ATP2B2: variants seen among roughly 807,000 people sequenced by gnomAD.
ATP2B2 encodes plasma membrane calcium-transporting ATPase 2.
In ATP2B2, 15 loss-of-function variants were observed where a neutral mutation model predicts 120.0. The observed-to-expected ratio is 0.12, with a 90% CI of 0.08 to 0.19. The LOEUF (loss-of-function observed/expected upper bound fraction) is 0.19, where lower values mean the gene tolerates loss of function less well. Among genes scored for constraint, ATP2B2 ranks in the 10% least tolerant of loss-of-function variants. The pLI is 1.00. For synonymous variants in ATP2B2, 694 were observed against 700.3 expected (o/e 0.99, Z 0.14); for missense variants, 1,045 against 1,719.8 (o/e 0.61, Z 6.94).
intron 2 of ATP2B2, among the ~76,000 whole-genome samples, chr3:10,583,025 T>G (rs958777333): frequency 6.6e-6 from 1 of 152,224 alleles, no homozygotes; most frequent in African/African-American, 2.4e-5. Context: ...AATCTCTAAT[T>G]AAAGTTTGCT....
At chr3:10,652,909 A>G (rs571192555) in intron 1 of ATP2B2, among the ~76,000 whole-genome samples, 1 of 152,294 alleles carries the variant, frequency 6.6e-6, no homozygotes, top group Non-Finnish European at 1.5e-5. Flanking sequence ...TAGGGACAGA[A>G]AGTGAGTGGT....
rs1205593582 is a variant in ATP2B2 at position 10,488,275 on chromosome 3, ATG to A, written c.-320+17188_-320+17189del. 7.9e-4 allele frequency among the ~76,000 whole-genome samples: 97 copies of A among 123,550 alleles called. 1 individual carries two copies. The Middle Eastern group carries it at 0.026, about 33-fold the overall frequency. The allele number at this position is 123,550 out of a possible 152,430, so 81.1% of individuals were successfully genotyped here. On this transcript the variant is annotated intron_variant, in intron 1 of 22. Transcript: ENST00000360273. ...CATCCATCCATCCATCCATCCATCC[ATG>A]CATGCATCCATCCACCCACCCACCT...
chr3:10,693,108 C>T (rs1025293578), intron 1 of ATP2B2, among the ~76,000 whole-genome samples: 4 of 152,186 alleles, frequency 2.6e-5, no homozygotes, highest in Non-Finnish European at 4.4e-5. Flanking sequence ...CACACTGTAT[C>T]GCAAAACACA....
At chr3:10,622,846 T>C (rs2069588397) in intron 1 of ATP2B2, among the ~76,000 whole-genome samples, 1 of 152,140 alleles carries the variant, frequency 6.6e-6, no homozygotes, top group Admixed American at 6.5e-5. Flanking sequence ...CACAGGTCGG[T>C]CAGCAAAGGG....
intron 5 of ATP2B2, among the ~76,000 whole-genome samples, chr3:10,392,540 C>T (rs3774161): frequency 0.089 from 13,523 of 152,326 alleles, 899 homozygotes; most frequent in East Asian, 0.28. Context: ...GGCTAAACCT[C>T]TCAAAGGACG....
chr3:10,364,852 C>A (rs1460447005), intron 12 of ATP2B2, among the ~76,000 whole-genome samples: 1 of 152,236 alleles, frequency 6.6e-6, no homozygotes, highest in African/African-American at 2.4e-5. Flanking sequence ...AATTGGCTGT[C>A]TCTGGTGACC....
chr3:10,589,273 T>C (rs928937386), intron 2 of ATP2B2, among the ~76,000 whole-genome samples: 5 of 152,176 alleles, frequency 3.3e-5, no homozygotes, highest in Non-Finnish European at 7.3e-5. Context: ...AGAGACCCAC[T>C]ATAGGATTTG....
chr3:10,680,483 A>C (rs1171530759), intron 1 of ATP2B2, among the ~76,000 whole-genome samples: 1 of 152,014 alleles, frequency 6.6e-6, no homozygotes, highest in Non-Finnish European at 1.5e-5. Context: ...GTGGTGGTGC[A>C]TGTCAGCTCT....
At chr3:10,401,435 G>A (rs1444514998) in intron 4 of ATP2B2, among the ~76,000 whole-genome samples, 1 of 152,222 alleles carries the variant, frequency 6.6e-6, no homozygotes, top group East Asian at 1.9e-4. Context: ...TATTTTGGAA[G>A]GAACCAGTCT....
intron 2 of ATP2B2, among the ~76,000 whole-genome samples, chr3:10,432,453 T>C (rs719318): frequency 0.19 from 28,556 of 152,266 alleles, 5,112 homozygotes; most frequent in African/African-American, 0.47. Flanking sequence ...CTGGCAGTTC[T>C]AGATCAAACA....
chr3:10,586,890 A>G (rs1471254885), intron 2 of ATP2B2, among the ~76,000 whole-genome samples: 2 of 152,184 alleles, frequency 1.3e-5, no homozygotes, highest in Non-Finnish European at 2.9e-5. Flanking sequence ...GTCCCTGCTC[A>G]CATGGCACCT....
At chr3:10,695,253 A>G (rs1049641325) in intron 1 of ATP2B2, among the ~76,000 whole-genome samples, 5 of 83,848 alleles carry the variant, frequency 6.0e-5, no homozygotes, top group Non-Finnish European at 1.2e-4. Flanking sequence ...GGAGGGAGGG[A>G]GAGAGAGAGA....
intron 1 of ATP2B2, among the ~76,000 whole-genome samples, chr3:10,699,029 A>T (rs1207730153): frequency 6.6e-6 from 1 of 152,054 alleles, no homozygotes; most frequent in Non-Finnish European, 1.5e-5. Flanking sequence ...CCTCTCTTCT[A>T]CTTCCTATAT....
intron 1 of ATP2B2, among the ~76,000 whole-genome samples, chr3:10,469,168 G>A (rs1559376012): frequency 6.6e-6 from 1 of 152,222 alleles, no homozygotes; most frequent in Non-Finnish European, 1.5e-5. Flanking sequence ...AACTTGGCAT[G>A]GGGCCTGCAC....
chr3:10,430,644 C>T (rs1327250539), intron 2 of ATP2B2, among the ~76,000 whole-genome samples: 1 of 151,870 alleles, frequency 6.6e-6, no homozygotes, highest in Admixed American at 6.6e-5. Context: ...CCAGTCCCAT[C>T]CCCCTTCTCC....
intron 3 of ATP2B2, among the ~76,000 whole-genome samples, chr3:10,532,035 G>A (rs1440584533): frequency 6.9e-6 from 1 of 144,246 alleles, no homozygotes; most frequent in Non-Finnish European, 1.5e-5. Flanking sequence ...GGCCCTTTCT[G>A]ATGTGCCCCT....
intron 1 of ATP2B2, among the ~76,000 whole-genome samples, chr3:10,492,065 C>A (rs1164949282): frequency 6.6e-6 from 1 of 152,178 alleles, no homozygotes; most frequent in African/African-American, 2.4e-5. Flanking sequence ...TGTATCATTC[C>A]ATTTGTTGCG....
chr3:10,401,501 C>T (rs2062218606), intron 4 of ATP2B2, among the ~76,000 whole-genome samples: 5 of 152,116 alleles, frequency 3.3e-5, no homozygotes, highest in Admixed American at 3.3e-4. Flanking sequence ...GGGATGTGTG[C>T]CTTTTAGGGC....
chr3:10,375,654 G>T lies in ATP2B2; in HGVS notation c.1202-10C>A. 1 of 1,611,588 alleles carries T rather than the reference G, an allele frequency of 6.2e-7. No homozygotes were observed. On this transcript the variant is annotated splice_polypyrimidine_tract_variant and intron_variant, in intron 10 of 22. Transcript: ENST00000360273. This position sits in a 1 kb window ranked among gnomAD's most constrained non-coding sequence, Gnocchi z 4.2. ...GCTGACATCACCAAGCCTGCAATGT[G>T]AGGGACACATGCTTGGGGGGTTCCA...
Sources: allele counts gnomAD v4.1 joint callset (sites outside exome capture counted in the v4.1 genomes callset), GRCh38; gene constraint gnomAD v4.1.1; non-coding constraint Gnocchi (gnomAD v3.1); transcripts MANE v1.5; gene names NCBI Gene and HGNC (gene_info 2026-07-23, HGNC 2026-07-21).